The following AP3B1 variants were observed in gnomAD, a reference collection of about 807,000 sequenced individuals.
AP3B1 encodes the protein adaptor related protein complex 3 subunit beta 1.
A neutral mutation model predicts 132.5 loss-of-function variants in AP3B1; 61 were observed. The ratio of observed to expected loss-of-function variants is 0.46; its 90% CI spans 0.37 to 0.57. The LOEUF is 0.57. Among genes scored for constraint, AP3B1 ranks in the 20% least tolerant of loss-of-function variants. The pLI, the probability that AP3B1 is intolerant of heterozygous loss-of-function variation, is 0.00. For missense variants in AP3B1, 1,120 were observed against 1,289.4 expected, an observed-to-expected ratio of 0.87 and a Z score of 2.01; for synonymous variants, 388 against 438.3, an observed-to-expected ratio of 0.89 and a Z score of 1.43.
chr5:78,065,524 C>T (rs998521335), intron 22 of AP3B1, among the ~76,000 whole-genome samples: 2 of 152,288 alleles, frequency 1.3e-5, no homozygotes, highest in Non-Finnish European at 1.5e-5. Context: ...TTTTCCACAG[C>T]GCAGCACAGT....
intron 15 of AP3B1, among the ~76,000 whole-genome samples, chr5:78,138,640 G>C (rs2112321177): frequency 6.6e-6 from 1 of 152,166 alleles, no homozygotes; most frequent in South Asian, 2.1e-4. Flanking sequence ...AAATCACTGT[G>C]TTTTCACCAT....
chr5:78,182,890 G>C (rs1744428529), intron 7 of AP3B1, among the ~76,000 whole-genome samples: 1 of 152,168 alleles, frequency 6.6e-6, no homozygotes, highest in Non-Finnish European at 1.5e-5. Flanking sequence ...GAGGTAACAA[G>C]GCATTCTGAT....
intron 23 of AP3B1, 52 bp from the exon 24 acceptor site, chr5:78,034,497 G>A: frequency 6.6e-6 from 9 of 1,362,352 alleles, no homozygotes; most frequent in Non-Finnish European, 9.5e-6. Flanking sequence ...TGAAAAAGAG[G>A]CAAACTAAAC....
chr5:78,193,475 C>T (rs1395096233), intron 7 of AP3B1, among the ~76,000 whole-genome samples: 3 of 151,664 alleles, frequency 2.0e-5, no homozygotes, highest in Non-Finnish European at 4.4e-5. Context: ...ACTTTGAAAT[C>T]TACTTTATAG....
chr5:78,114,843 G>A (rs1300479254), intron 18 of AP3B1, among the ~76,000 whole-genome samples: 1 of 152,194 alleles, frequency 6.6e-6, no homozygotes, highest in East Asian at 1.9e-4. Flanking sequence ...ACAAGCATGG[G>A]TTCTCAAGTT....
At chr5:78,199,236 T>C (rs1041478543) in intron 7 of AP3B1, among the ~76,000 whole-genome samples, 1 of 152,232 alleles carries the variant, frequency 6.6e-6, no homozygotes, top group African/African-American at 2.4e-5. Context: ...GAAACAAGCT[T>C]TCTGAATGCA....
chr5:78,142,067 A>G (rs949354397), intron 14 of AP3B1, among the ~76,000 whole-genome samples: 9 of 152,222 alleles, frequency 5.9e-5, no homozygotes, highest in Non-Finnish European at 1.2e-4. Flanking sequence ...TAAGATCATC[A>G]AGGTCTGCTT....
chr5:78,078,224 T>C (rs1987467), intron 22 of AP3B1, among the ~76,000 whole-genome samples: 36,747 of 152,098 alleles, frequency 0.24, 4,662 homozygotes, highest in Admixed American at 0.31. Flanking sequence ...TCCTTTCCTC[T>C]TCCTTATTTT....
chr5:78,239,778 CAAAAAAA>C (rs560151932), intron 3 of AP3B1, among the ~76,000 whole-genome samples: 1 of 77,356 alleles, frequency 1.3e-5, no homozygotes, highest in East Asian at 4.3e-4. Context: ...GACTCTGTCT[CAAAAAAA>C]AAAAAAAAAA....
chr5:78,190,631 C>CTTTCCTTGTCTTGATTTT (rs1470345580), intron 7 of AP3B1, among the ~76,000 whole-genome samples: 1 of 152,108 alleles, frequency 6.6e-6, no homozygotes, highest in Non-Finnish European at 1.5e-5. Flanking sequence ...ATCACTCAAC[C>CTTTCCTTGTCTTGATTTT]TTTCCTTGTC....
chr5:78,266,645 CCTT>C (rs1376021115), intron 2 of AP3B1, among the ~76,000 whole-genome samples: 4 of 151,988 alleles, frequency 2.6e-5, no homozygotes, highest in Non-Finnish European at 5.9e-5. Flanking sequence ...TCAATTTTGA[CCTT>C]ATTATATAAA....
chr5:78,195,530 G>A (rs899898645), intron 7 of AP3B1, among the ~76,000 whole-genome samples: 3 of 152,084 alleles, frequency 2.0e-5, no homozygotes, highest in Admixed American at 6.6e-5. Context: ...AACAAACGAA[G>A]AGTCACAGGC....
intron 6 of AP3B1, among the ~76,000 whole-genome samples, chr5:78,218,597 G>A (rs1746054627): frequency 6.6e-6 from 1 of 152,018 alleles, no homozygotes; most frequent in Non-Finnish European, 1.5e-5. Flanking sequence ...GATTATCTAT[G>A]CTAGTTGACA....
intron 20 of AP3B1, among the ~76,000 whole-genome samples, chr5:78,105,747 A>G (rs1228587833): frequency 6.6e-6 from 1 of 152,244 alleles, no homozygotes; most frequent in Non-Finnish European, 1.5e-5. Context: ...ATCAATCAAC[A>G]TAATTATAAC....
At chr5:78,232,937 C>T (rs569293785) in intron 3 of AP3B1, among the ~76,000 whole-genome samples, 5 of 152,200 alleles carry the variant, frequency 3.3e-5, no homozygotes, top group South Asian at 2.1e-4. Context: ...GAACTCCTGA[C>T]GTCAAGTGAT....
chr5:78,049,969 C>G (rs1166126033), intron 22 of AP3B1, among the ~76,000 whole-genome samples: 1 of 152,160 alleles, frequency 6.6e-6, no homozygotes, highest in Non-Finnish European at 1.5e-5. Context: ...TGCTCAAAAC[C>G]CGCCAATGGC....
chr5:78,157,415 C>T (rs1050711698), intron 13 of AP3B1, among the ~76,000 whole-genome samples: 3 of 152,148 alleles, frequency 2.0e-5, no homozygotes, highest in Non-Finnish European at 2.9e-5. Flanking sequence ...TTAACTAATA[C>T]AGTAACTACT....
intron 2 of AP3B1, among the ~76,000 whole-genome samples, chr5:78,245,924 TA>T (rs1747360705): frequency 6.6e-6 from 1 of 152,178 alleles, no homozygotes; most frequent in East Asian, 1.9e-4. Flanking sequence ...GGTGACTCTC[TA>T]GATAAAAGGT....
At chr5:78,254,539 G>A (rs1747776464) in intron 2 of AP3B1, among the ~76,000 whole-genome samples, 1 of 152,134 alleles carries the variant, frequency 6.6e-6, no homozygotes, top group African/African-American at 2.4e-5. Flanking sequence ...AACAGGTAAG[G>A]TTTCCTAACA....
Sources: allele counts gnomAD v4.1 joint callset (sites outside exome capture counted in the v4.1 genomes callset), GRCh38; gene constraint gnomAD v4.1.1; transcripts MANE v1.5; gene names NCBI Gene and HGNC (gene_info 2026-07-23, HGNC 2026-07-21).